Variants in DNAJC1 observed in about 807,000 individuals in gnomAD.
DNAJC1 encodes DnaJ heat shock protein family (Hsp40) member C1, also known as dnaJ homolog subfamily C member 1.
In DNAJC1, 58 loss-of-function variants were observed where a neutral mutation model predicts 76.6. The ratio of observed to expected loss-of-function variants is 0.76; its 90% CI spans 0.61 to 0.94. DNAJC1 has a LOEUF of 0.94. DNAJC1 is among the 40% of genes least tolerant of loss of function. The pLI is 0.00. For missense variants in DNAJC1, 689 were observed against 677.3 expected, an observed-to-expected ratio of 1.02 and a Z score of -0.19; for synonymous variants, 258 against 267.9, an observed-to-expected ratio of 0.96 and a Z score of 0.36.
chr10:21,974,606 C>T (rs1474200700), intron 1 of DNAJC1, among the ~76,000 whole-genome samples: 7 of 152,170 alleles, frequency 4.6e-5, no homozygotes, highest in Non-Finnish European at 1.5e-5. Flanking sequence ...TTTACCCTGA[C>T]ACTTTGTACT....
chr10:21,920,021 G>A, intron 4 of DNAJC1, 92 bp from the exon 5 acceptor site: 1 of 762,476 alleles, frequency 1.3e-6, no homozygotes, highest in Non-Finnish European at 2.1e-6. Context: ...AAACATTATA[G>A]AGGAACATTT....
chr10:21,912,489 T>G (rs972911434), intron 6 of DNAJC1, among the ~76,000 whole-genome samples: 1 of 152,172 alleles, frequency 6.6e-6, no homozygotes, highest in Non-Finnish European at 1.5e-5. Flanking sequence ...CTCTGTCTTA[T>G]GTTGTAAGGT....
intron 1 of DNAJC1, among the ~76,000 whole-genome samples, chr10:21,952,159 C>CTAT (rs1837607763): frequency 6.6e-6 from 1 of 152,060 alleles, no homozygotes; most frequent in Admixed American, 6.6e-5. Context: ...GTTTTTGTCT[C>CTAT]AATAGAGAAT....
At chr10:21,843,486 T>C (rs1181617563) in intron 8 of DNAJC1, among the ~76,000 whole-genome samples, 1 of 150,572 alleles carries the variant, frequency 6.6e-6, no homozygotes, top group African/African-American at 2.4e-5. Flanking sequence ...CTCTGCCTAC[T>C]GGGTTCAAGT....
chr10:21,799,888 A>G (rs1834795058), intron 9 of DNAJC1, among the ~76,000 whole-genome samples: 1 of 152,162 alleles, frequency 6.6e-6, no homozygotes, highest in Non-Finnish European at 1.5e-5. Context: ...AGCACTGTGA[A>G]GGCACTGTTC....
At chr10:21,872,283 T>C (rs973167728) in intron 8 of DNAJC1, among the ~76,000 whole-genome samples, 1 of 152,090 alleles carries the variant, frequency 6.6e-6, no homozygotes, top group African/African-American at 2.4e-5. Flanking sequence ...TTGGCCAGGC[T>C]GGTCTCAAAC....
chr10:21,938,104 T>C (rs951633602), intron 1 of DNAJC1, among the ~76,000 whole-genome samples: 3 of 152,144 alleles, frequency 2.0e-5, no homozygotes, highest in Non-Finnish European at 4.4e-5. Context: ...ATATTTCTTT[T>C]TGGATTCATT....
intron 8 of DNAJC1, among the ~76,000 whole-genome samples, chr10:21,855,804 G>T (rs1221439604): frequency 1.8e-5 from 2 of 110,322 alleles, no homozygotes; most frequent in Non-Finnish European, 3.7e-5. Context: ...CACCCTGCCC[G>T]CCTTTTTTTT....
At chr10:21,956,965 C>T (rs1035348762) in intron 1 of DNAJC1, among the ~76,000 whole-genome samples, 4 of 150,066 alleles carry the variant, frequency 2.7e-5, no homozygotes, top group East Asian at 1.9e-4. Context: ...GATCTCGGCT[C>T]GCTGCAACCT....
At chr10:21,776,765 G>A (rs1026358638) in intron 9 of DNAJC1, among the ~76,000 whole-genome samples, 14 of 152,156 alleles carry the variant, frequency 9.2e-5, no homozygotes, top group African/African-American at 3.4e-4. Context: ...TTTTAAAAGC[G>A]AAGGTCTTTG....
intron 1 of DNAJC1, among the ~76,000 whole-genome samples, chr10:21,978,623 A>C (rs542527334): frequency 6.6e-6 from 1 of 152,278 alleles, no homozygotes; most frequent in South Asian, 2.1e-4. Context: ...CATTTCTGTC[A>C]AAGATTCCAC....
At chr10:21,826,386 G>C (rs1835255089) in intron 8 of DNAJC1, among the ~76,000 whole-genome samples, 1 of 151,986 alleles carries the variant, frequency 6.6e-6, no homozygotes, top group African/African-American at 2.4e-5. Flanking sequence ...GAACTCCTGG[G>C]CTCAAGCAAT....
intron 1 of DNAJC1, among the ~76,000 whole-genome samples, chr10:21,992,717 T>C (rs556936694): frequency 2.0e-5 from 3 of 152,358 alleles, no homozygotes; most frequent in African/African-American, 7.2e-5. Context: ...CTGAAATATC[T>C]GTCAGTCATG....
chr10:21,803,133 G>C (rs1398757108), intron 9 of DNAJC1, among the ~76,000 whole-genome samples: 1 of 152,028 alleles, frequency 6.6e-6, no homozygotes, highest in Non-Finnish European at 1.5e-5. Flanking sequence ...GAATAAAAAG[G>C]TTTTTAACTG....
At chr10:21,826,162 T>C (rs1835246585) in intron 8 of DNAJC1, among the ~76,000 whole-genome samples, 1 of 148,440 alleles carries the variant, frequency 6.7e-6, no homozygotes, top group Non-Finnish European at 1.5e-5. Flanking sequence ...GGCTTGAACC[T>C]GGGAGGCAGA....
intron 5 of DNAJC1, among the ~76,000 whole-genome samples, chr10:21,919,378 C>T (rs1439009017): frequency 6.6e-6 from 1 of 152,024 alleles, no homozygotes; most frequent in African/African-American, 2.4e-5. Flanking sequence ...AGAATAGTCT[C>T]TGATCTCCAT....
At chr10:22,002,269 A>C (rs1327209963) in intron 1 of DNAJC1, among the ~76,000 whole-genome samples, 3 of 152,226 alleles carry the variant, frequency 2.0e-5, no homozygotes, top group African/African-American at 7.2e-5. Flanking sequence ...CGAAGGGCTC[A>C]ATCAGATCGT....
intron 8 of DNAJC1, among the ~76,000 whole-genome samples, chr10:21,863,931 G>A (rs1835954841): frequency 6.6e-6 from 1 of 152,176 alleles, no homozygotes; most frequent in African/African-American, 2.4e-5. Context: ...GCCAGGTGAG[G>A]TGGCTCAGGC....
chr10:21,905,186 A>ATACT (rs1256588825), intron 6 of DNAJC1, among the ~76,000 whole-genome samples: 1 of 151,850 alleles, frequency 6.6e-6, no homozygotes, highest in East Asian at 1.9e-4. Context: ...CTGCATACAT[A>ATACT]TACTTAGGTG....
Sources: allele counts gnomAD v4.1 joint callset (sites outside exome capture counted in the v4.1 genomes callset), GRCh38; gene constraint gnomAD v4.1.1; transcripts MANE v1.5; gene names NCBI Gene and HGNC (gene_info 2026-07-23, HGNC 2026-07-21).